DNAJC1: variants seen among roughly 807,000 people sequenced by gnomAD.
DNAJC1 encodes the protein DnaJ heat shock protein family (Hsp40) member C1, also known as dnaJ homolog subfamily C member 1.
A neutral mutation model predicts 76.6 loss-of-function variants in DNAJC1; 58 were observed. That is an observed-to-expected ratio of 0.76 (90% CI 0.61 to 0.94). The LOEUF (loss-of-function observed/expected upper bound fraction) is 0.94. Ranked by LOEUF, DNAJC1 falls within the 40% of genes least tolerant of loss-of-function variation. The pLI is 0.00. For missense variants in DNAJC1, 689 were observed against 677.3 expected, an observed-to-expected ratio of 1.02 and a Z score of -0.19; for synonymous variants, 258 against 267.9, an observed-to-expected ratio of 0.96 and a Z score of 0.36.
At chr10:21,879,369 A>C (rs1288197487) in intron 8 of DNAJC1, among the ~76,000 whole-genome samples, 4 of 152,166 alleles carry the variant, frequency 2.6e-5, no homozygotes, top group African/African-American at 9.7e-5. Flanking sequence ...CACACCTATA[A>C]TCCCAGCACT....
At chr10:21,823,532 ATT>A (rs144459260) in intron 8 of DNAJC1, among the ~76,000 whole-genome samples, 4,431 of 152,010 alleles carry the variant, frequency 0.029, 103 homozygotes, top group Middle Eastern at 0.065. Context: ...TTATTGTCAT[ATT>A]TTCTTCCTTC....
chr10:21,850,513 T>G (rs909811560), intron 8 of DNAJC1, among the ~76,000 whole-genome samples: 1 of 151,416 alleles, frequency 6.6e-6, no homozygotes, highest in African/African-American at 2.4e-5. Flanking sequence ...TTGGAATACT[T>G]AATATTTAAA....
chr10:21,803,589 CTGTGTGTGTGTGTG>C (rs113615504), intron 9 of DNAJC1, among the ~76,000 whole-genome samples: 2 of 140,654 alleles, frequency 1.4e-5, no homozygotes, highest in African/African-American at 5.3e-5. Flanking sequence ...GAGTGATTTT[CTGTGTGTGTGTGTG>C]TGTGTGTGTG....
At chr10:21,842,478 T>C (rs904550618) in intron 8 of DNAJC1, among the ~76,000 whole-genome samples, 11 of 152,202 alleles carry the variant, frequency 7.2e-5, no homozygotes, top group Admixed American at 1.3e-4. Context: ...GTCTATGGTA[T>C]TGTCAGAATA....
intron 1 of DNAJC1, among the ~76,000 whole-genome samples, chr10:21,996,445 CCT>C (rs1398515484): frequency 6.6e-6 from 1 of 152,170 alleles, no homozygotes; most frequent in Admixed American, 6.6e-5. Flanking sequence ...ATAACCTCAA[CCT>C]CTGTTTTATT....
At chr10:21,784,442 C>G (rs1834576749) in intron 9 of DNAJC1, among the ~76,000 whole-genome samples, 1 of 152,152 alleles carries the variant, frequency 6.6e-6, no homozygotes, top group South Asian at 2.1e-4. Context: ...AACACTTTTA[C>G]ACTGTTGGTG....
At chr10:21,973,199 CT>C (rs1838007501) in intron 1 of DNAJC1, among the ~76,000 whole-genome samples, 1 of 152,132 alleles carries the variant, frequency 6.6e-6, no homozygotes, top group African/African-American at 2.4e-5. Context: ...AAACTTGTTA[CT>C]TCCAATATTT....
intron 9 of DNAJC1, among the ~76,000 whole-genome samples, chr10:21,798,924 A>T (rs181874774): frequency 2.4e-4 from 37 of 152,338 alleles, no homozygotes; most frequent in African/African-American, 8.7e-4. Flanking sequence ...AAAAGAAATT[A>T]GTGATACAGC....
chr10:21,832,758 T>C (rs1411036196), intron 8 of DNAJC1, among the ~76,000 whole-genome samples: 12 of 152,226 alleles, frequency 7.9e-5, no homozygotes, highest in Admixed American at 7.2e-4. Flanking sequence ...TTATATACTT[T>C]TGCAGTGAAA....
chr10:21,951,849 G>T (rs898124219), intron 1 of DNAJC1, among the ~76,000 whole-genome samples: 5 of 152,134 alleles, frequency 3.3e-5, no homozygotes, highest in Non-Finnish European at 5.9e-5. Flanking sequence ...TATAAGTTTA[G>T]AAAGTATTAA....
At chr10:21,991,673 C>T (rs1838328292) in intron 1 of DNAJC1, among the ~76,000 whole-genome samples, 2 of 152,150 alleles carry the variant, frequency 1.3e-5, no homozygotes, top group South Asian at 2.1e-4. Context: ...CTACACAATA[C>T]AGAAATGTTA....
At chr10:21,809,591 A>C in intron 8 of DNAJC1, among the ~76,000 whole-genome samples, 1 of 151,618 alleles carries the variant, frequency 6.6e-6, no homozygotes, top group East Asian at 1.9e-4. Flanking sequence ...ACACATTATT[A>C]GATATATATA....
At chr10:21,840,916 A>T (rs1835564151) in intron 8 of DNAJC1, among the ~76,000 whole-genome samples, 1 of 151,986 alleles carries the variant, frequency 6.6e-6, no homozygotes, top group African/African-American at 2.4e-5. Flanking sequence ...TATAGACCAA[A>T]GGAGCAGAAC....
intron 1 of DNAJC1, among the ~76,000 whole-genome samples, chr10:21,967,014 C>CA (rs1837903682): frequency 1.4e-5 from 2 of 138,776 alleles, no homozygotes. Context: ...TCTTCTTCTT[C>CA]TTTTTTTTTT....
rs549211073 is a variant in DNAJC1 at position 21,956,398 on chromosome 10, G to A, written c.223-27257C>T. Among the ~76,000 whole-genome samples the A allele has an allele frequency of 2.2e-3, 339 of 151,906 alleles. 4 individuals are homozygous for A. Among genetic ancestry groups the A allele is most frequent in the African/African-American group, 7.8e-3 (323 of 41,416 alleles). ...AAATACATTTACATCATACTATCAT[G>A]ACAAAAATAACTGTGTCTAATTAGA... On this transcript the variant is annotated intron_variant, in intron 1 of 11. Transcript: ENST00000376980.
chr10:21,909,258 T>C (rs1316377292), intron 6 of DNAJC1, among the ~76,000 whole-genome samples: 1 of 152,218 alleles, frequency 6.6e-6, no homozygotes, highest in Non-Finnish European at 1.5e-5. Flanking sequence ...GGTTTTACAT[T>C]TAAACTATGG....
chr10:21,965,272 T>C (rs980096975), intron 1 of DNAJC1, among the ~76,000 whole-genome samples: 3 of 152,204 alleles, frequency 2.0e-5, no homozygotes, highest in Admixed American at 2.0e-4. Context: ...GTCTATTTTG[T>C]ATTTTATAAA....
At chr10:21,787,156 T>G (rs1448896153) in intron 9 of DNAJC1, among the ~76,000 whole-genome samples, 2 of 151,954 alleles carry the variant, frequency 1.3e-5, no homozygotes, top group African/African-American at 4.8e-5. Context: ...GGTGAAACCT[T>G]GTTTCTACTA....
chr10:21,873,686 G>A (rs980197524), intron 8 of DNAJC1, among the ~76,000 whole-genome samples: 12 of 152,118 alleles, frequency 7.9e-5, no homozygotes, highest in African/African-American at 2.9e-4. Context: ...TAAATGCCAA[G>A]AAAGGTATAA....
Sources: gnomAD v4.1 joint callset for allele counts (sites outside exome capture counted in the v4.1 genomes callset) on GRCh38, gnomAD v4.1.1 for gene constraint, MANE v1.5 for transcripts, NCBI Gene and HGNC (gene_info 2026-07-23, HGNC 2026-07-21) for gene names.